Variants in NIPAL2 observed in about 807,000 individuals in gnomAD.
NIPAL2 encodes NIPA-like protein 2.
NIPAL2 carries 43 observed loss-of-function variants against 48.9 expected under a neutral mutation model. The observed-to-expected ratio is 0.88, with a 90% CI of 0.69 to 1.13. The LOEUF (loss-of-function observed/expected upper bound fraction) is 1.13. Among genes scored for constraint, NIPAL2 ranks in the 50% most tolerant of loss-of-function variants. The pLI, the probability that NIPAL2 is intolerant of heterozygous loss-of-function variation, is 0.00. For missense variants in NIPAL2, 446 were observed against 461.4 expected (o/e 0.97, Z 0.31); for synonymous variants, 167 against 174.6 (o/e 0.96, Z 0.34).
intron 6 of NIPAL2, among the ~76,000 whole-genome samples, chr8:98,206,638 A>G (rs1209224825): frequency 6.6e-6 from 1 of 151,964 alleles, no homozygotes; most frequent in Non-Finnish European, 1.5e-5. Context: ...AATACAAAAA[A>G]TTAGCTGGGC....
chr8:98,267,249 G>A (rs1330470398), intron 1 of NIPAL2, among the ~76,000 whole-genome samples: 9 of 151,790 alleles, frequency 5.9e-5, no homozygotes, highest in African/African-American at 2.2e-4. Flanking sequence ...ATAAAAATAT[G>A]TAGCATTTTA....
chr8:98,236,655 C>G (rs1004719266), intron 3 of NIPAL2, among the ~76,000 whole-genome samples: 8 of 151,686 alleles, frequency 5.3e-5, no homozygotes, highest in Non-Finnish European at 8.8e-5. Context: ...TCAAGATAAG[C>G]CTGGGCAACA....
rs142008745 is a variant in NIPAL2 at position 98,209,192 on chromosome 8, A to G, written c.655+3213T>C. ...GCTCAATTCTACTTAAAGAATATAT[A>G]CTGTAAATAATAGACATGCTCTAAT... On this transcript the variant is annotated intron_variant, in intron 6 of 10. Transcript: ENST00000430223. Among the ~76,000 whole-genome samples the G allele has an allele frequency of 5.7e-3, 873 of 152,300 alleles. 12 individuals carry two copies. The highest frequency in any genetic ancestry group is 0.02 in the African/African-American group (834 of 41,566).
In NIPAL2 at chr8:98,273,815, A is replaced by G. The variant is rs149156028; in HGVS notation, c.136-19728T>C. Among the ~76,000 whole-genome samples, 9 of 152,166 alleles carry G rather than the reference A, an allele frequency of 5.9e-5. No individual in the cohort carries two copies. In the East Asian group the frequency reaches 1.7e-3, roughly 29 times the overall value. On this transcript the variant is annotated intron_variant, in intron 1 of 10. Coordinates refer to ENST00000430223, the MANE Select transcript of NIPAL2 (RefSeq NM_001321635.2). ...TTTCTTCTTATCTAATAATATATGA[A>G]AGTACCACTATACATTTCCCTCTAA...
At chr8:98,290,770 G>A (rs970850023) in intron 1 of NIPAL2, among the ~76,000 whole-genome samples, 11 of 152,204 alleles carry the variant, frequency 7.2e-5, no homozygotes, top group African/African-American at 2.7e-4. Context: ...ATGGGGGTCA[G>A]TAGGTAAAAG....
intron 3 of NIPAL2, among the ~76,000 whole-genome samples, chr8:98,240,272 A>G (rs577437942): frequency 6.6e-6 from 1 of 152,306 alleles, no homozygotes; most frequent in Admixed American, 6.5e-5. Flanking sequence ...ACATGGGTCT[A>G]CAGAGAGTGC....
intron 4 of NIPAL2, among the ~76,000 whole-genome samples, chr8:98,234,216 A>C (rs1384304869): frequency 2.0e-5 from 3 of 152,158 alleles, no homozygotes; most frequent in African/African-American, 7.2e-5. Flanking sequence ...TCTAAACTAA[A>C]GACTCATGAC....
chr8:98,206,987 T>C (rs183606626), intron 6 of NIPAL2, among the ~76,000 whole-genome samples: 2 of 152,282 alleles, frequency 1.3e-5, no homozygotes, highest in Non-Finnish European at 2.9e-5. Context: ...TAAATATCTA[T>C]AGAGATCTGT....
intron 1 of NIPAL2, among the ~76,000 whole-genome samples, chr8:98,258,308 G>A (rs1397998282): frequency 6.6e-6 from 1 of 152,154 alleles, no homozygotes; most frequent in Non-Finnish European, 1.5e-5. Context: ...TGGATATGAT[G>A]ACAGCTGTAC....
rs565778517 is a variant in NIPAL2 at position 98,254,462 on chromosome 8, C to T, written c.136-375G>A. ...GACTGTGATATGAAAGAAAGATCAT[C>T]GGACTACAAGGTAAAGGATAAATCT... On this transcript the variant is annotated intron_variant, in intron 1 of 10. Transcript: ENST00000430223. Among the ~76,000 whole-genome samples the T allele has an allele frequency of 4.6e-5, 7 of 152,214 alleles. No homozygotes were observed. The South Asian group carries it at 8.3e-4, about 18-fold the overall frequency.
chr8:98,202,659 T>C (rs1166143610), intron 8 of NIPAL2, among the ~76,000 whole-genome samples: 1 of 152,194 alleles, frequency 6.6e-6, no homozygotes, highest in East Asian at 1.9e-4. Context: ...AAGCAGATGC[T>C]GGCACCATGC....
At chr8:98,210,035 TTTTC>T (rs1455599824) in intron 6 of NIPAL2, among the ~76,000 whole-genome samples, 5 of 152,092 alleles carry the variant, frequency 3.3e-5, no homozygotes, top group Non-Finnish European at 1.5e-5. Flanking sequence ...TATTTGTGGT[TTTTC>T]TTTTTTTCTG....
At chr8:98,254,212 G>A (rs1813749838) in intron 1 of NIPAL2, 125 bp from the exon 2 acceptor site, 2 of 642,094 alleles carry the variant, frequency 3.1e-6, no homozygotes, top group Non-Finnish European at 5.2e-6. Flanking sequence ...ATTTCCCAGG[G>A]TAGGTTTGGG....
At chr8:98,227,298 C>A (rs567963185) in intron 4 of NIPAL2, among the ~76,000 whole-genome samples, 1 of 152,158 alleles carries the variant, frequency 6.6e-6, no homozygotes, top group Non-Finnish European at 1.5e-5. Context: ...TTTATTCATT[C>A]ATCTCCTTTT....
intron 3 of NIPAL2, among the ~76,000 whole-genome samples, chr8:98,246,456 C>A (rs1451795870): frequency 1.3e-5 from 2 of 152,232 alleles, no homozygotes; most frequent in South Asian, 2.1e-4. Flanking sequence ...AGTGCGACTA[C>A]TTCTCTTAGG....
At position 98,222,504 on chromosome 8, in the gene NIPAL2, A is replaced by T. The variant is rs1811945113; in HGVS notation, c.533T>A (p.Val178Asp). The T allele has an allele frequency of 6.2e-7, 1 of 1,613,560 alleles. No homozygotes were observed. The highest frequency in any genetic ancestry group is 8.5e-7 in the Non-Finnish European group (1 of 1,179,900). Residue 178 changes from valine to aspartate, a missense_variant, in exon 5 of 11, where the codon GTC (valine) becomes GAC (aspartate). By Grantham distance (152) the Val-to-Asp change is radical. Coordinates refer to ENST00000430223, the MANE Select transcript of NIPAL2 (RefSeq NM_001321635.2). The part of the protein sequence containing the change: ...ISARTVQYYL[V>D]GWQFLIYVIL... ...CACATAGATCAGGAACTGCCATCCGACAAGGTAATACTGTACTGTTCTTGC... is the reference window on the plus strand; with the variant it reads ...CACATAGATCAGGAACTGCCATCCGTCAAGGTAATACTGTACTGTTCTTGC...
In NIPAL2 at chr8:98,205,175, G is replaced by T; in HGVS notation, c.727C>A (p.Leu243Ile). 6.2e-7 allele frequency: 1 copy of T among 1,613,232 alleles called. No homozygotes were observed. ...ATGATATAGAAAATGGGGTAAGTTA[G>T]TTGCATTTTATCCATCACAGAAAAA... ...ITFSVMDKMQ[L>I]TYPIFYIMFI... The change falls in exon 7 of 11, where the codon CTA becomes ATA. Residue 243 changes from leucine to isoleucine, a missense_variant. By Grantham distance (5) the Leu-to-Ile change is conservative. Coordinates refer to ENST00000430223, the MANE Select transcript of NIPAL2 (RefSeq NM_001321635.2).
intron 1 of NIPAL2, among the ~76,000 whole-genome samples, chr8:98,261,416 T>C (rs1473355995): frequency 3.6e-5 from 5 of 140,386 alleles, no homozygotes; most frequent in Non-Finnish European, 7.7e-5. Flanking sequence ...GAATAACCAA[T>C]ACAGAGAAGT....
At chr8:98,224,750 C>A (rs948535335) in intron 4 of NIPAL2, among the ~76,000 whole-genome samples, 1 of 89,520 alleles carries the variant, frequency 1.1e-5, no homozygotes, top group Non-Finnish European at 2.4e-5. Context: ...TTCTTTCTTT[C>A]TTTTCTTTTT....
Sources: gnomAD v4.1 joint callset for allele counts (sites outside exome capture counted in the v4.1 genomes callset) on GRCh38, gnomAD v4.1.1 for gene constraint, MANE v1.5 for transcripts, NCBI Gene and HGNC (gene_info 2026-07-23, HGNC 2026-07-21) for gene names.